The following KLHDC7B variants were observed in gnomAD, a reference collection of about 807,000 sequenced individuals.
The protein encoded by KLHDC7B is kelch domain-containing protein 7B.
KLHDC7B carries 1 observed loss-of-function variant against 0.6 expected under a neutral mutation model. The observed-to-expected ratio is 1.71, with a 90% CI of 0.61 to 8.11. The LOEUF is 8.11. KLHDC7B is among the 30% of genes most tolerant of loss of function. KLHDC7B has a pLI of 0.13. For missense variants in KLHDC7B, 993 were observed against 894.9 expected (o/e 1.11, Z -1.40); for synonymous variants, 462 against 405.2 (o/e 1.14, Z -1.68).
At position 50,548,737 on chromosome 22, in the gene KLHDC7B, G is replaced by C. The variant is rs1253377553; in HGVS notation, c.2494G>C (p.Gly832Arg). The C allele has an allele frequency of 6.8e-7, 1 of 1,471,530 alleles. No individual in the cohort carries two copies. Among genetic ancestry groups the C allele is most frequent in the Non-Finnish European group, 9.0e-7 (1 of 1,115,828 alleles). 91.2% of individuals were successfully genotyped at this position (1,471,530 alleles called of 1,614,324 possible). A position where few individuals can be genotyped will look rare whatever the true frequency, so the allele number is the denominator to read the frequency against. ...CATGGTGTTTCTGCAGAGGCCCGGG[G>C]GTTGGGGGGTGGTGGAGGGGCCCCG... ...KLMVFLQRPG[G>R]WGVVEGPRKP... The change falls in exon 1 of 1, where the codon GGT becomes CGT. Residue 832 changes from glycine (G) to arginine (R), a missense_variant. Gly to Arg is a moderately radical substitution (Grantham distance 125). Transcript: ENST00000648057. The surrounding 1 kb of genome is among the most constrained non-coding windows in gnomAD (Gnocchi z 5.3).
rs934497980 is a variant in KLHDC7B at position 50,548,759 on chromosome 22, C to A, written c.2516C>A (p.Pro839His). 29 of 1,449,210 alleles carry A rather than the reference C, an allele frequency of 2.0e-5. No homozygotes were observed. Among genetic ancestry groups the A allele is most frequent in the Non-Finnish European group, 2.0e-5 (22 of 1,106,672 alleles). The allele number at this position is 1,449,210 out of a possible 1,614,324, so 89.8% of individuals were successfully genotyped here. ...GGGGGTTGGGGGGTGGTGGAGGGGC[C>A]CCGGAAGCCCAGCTCCCGGGCCCTG... is the stretch of plus-strand genomic sequence containing the variant. The part of the protein sequence containing the change: ...RPGGWGVVEG[P>H]RKPSSRALEP... The change falls in exon 1 of 1, where the codon CCC becomes CAC. Residue 839 changes from proline (P) to histidine (H), a missense_variant. Transcript: ENST00000648057. The surrounding 1 kb of genome is among the most constrained non-coding windows in gnomAD (Gnocchi z 5.3).
In KLHDC7B at chr22:50,548,661, T is replaced by C. The variant is rs1440301211; in HGVS notation, c.2418T>C (p.Pro806=). The change falls in exon 1 of 1, where the codon CCT becomes CCC. Residue 806 remains proline (P), a synonymous_variant. Transcript: ENST00000648057. This position sits in a 1 kb window ranked among gnomAD's most constrained non-coding sequence, Gnocchi z 5.3. ...AGGCGCCGGGGGAGGGGGGCAGCCCTGCCGGCCGCAGCGGGGCGCTCACGG... is the reference window on the plus strand; with the variant it reads ...AGGCGCCGGGGGAGGGGGGCAGCCCCGCCGGCCGCAGCGGGGCGCTCACGG... ...QGEAPGEGGS[P]AGRSGALTEK... 1 of 1,520,376 alleles carries C rather than the reference T, an allele frequency of 6.6e-7. No homozygotes were observed. Among genetic ancestry groups the C allele is most frequent in the Non-Finnish European group, 8.8e-7 (1 of 1,134,690 alleles). The allele number at this position is 1,520,376 out of a possible 1,614,324, so 94.2% of individuals were successfully genotyped here.
chr22:50,549,147 C>T lies in KLHDC7B; in HGVS notation c.2904C>T (p.Pro968=). 6.2e-7 allele frequency: 1 copy of T among 1,604,006 alleles called. No homozygotes were observed. Among genetic ancestry groups the T allele is most frequent in the South Asian group, 1.1e-5 (1 of 91,072 alleles). Residue 968 remains proline (P), a synonymous_variant, in exon 1 of 1, where the codon CCC becomes CCT. Transcript: ENST00000648057. ...PLPAHLHVFN[P]RENTWRPLTQ... ...CTGCGCACCTGCATGTGTTCAACCC[C>T]CGGGAGAACACCTGGCGGCCCCTGA...
In KLHDC7B at chr22:50,546,637, C is replaced by T. The variant is rs1388156207; in HGVS notation, c.394C>T (p.Arg132Cys). ...LPLKTAVEEA[R>C]REALGQQRGS... ...ACTCAAGACGGCTGTCGAGGAGGCCCGCAGAGAGGCATTAGGACAGCAACG... is the reference window on the plus strand; with the variant it reads ...ACTCAAGACGGCTGTCGAGGAGGCCTGCAGAGAGGCATTAGGACAGCAACG... Residue 132 changes from arginine to cysteine, a missense_variant, in exon 1 of 1, where the codon CGC becomes TGC. By Grantham distance (180) the Arg-to-Cys change is radical. Transcript: ENST00000648057. Among the ~76,000 whole-genome samples, 3 of 152,160 alleles carry T rather than the reference C, an allele frequency of 2.0e-5. No individual in the cohort carries two copies. The highest frequency in any genetic ancestry group is 7.2e-5 in the African/African-American group (3 of 41,434).
In KLHDC7B at chr22:50,549,628, A is replaced by G. The variant is rs371881701; in HGVS notation, c.3385A>G (p.Ile1129Val). The change falls in exon 1 of 1, where the codon ATC becomes GTC. Residue 1129 changes from isoleucine to valine, a missense_variant. Transcript: ENST00000648057. The stretch of plus-strand genomic sequence containing the variant: ...TGCCAGCCACCGGCGTTCCAGCGAC[A>G]TCGTGGCACTGGGGGGCTTCCTGTA... ...YSASHRRSSD[I>V]VALGGFLYRF... The G allele has an allele frequency of 1.9e-6, 3 of 1,557,274 alleles. No homozygotes were observed. The highest frequency in any genetic ancestry group is 3.6e-5 in the Admixed American group (2 of 55,304).
In KLHDC7B at chr22:50,550,140, G is replaced by C; in HGVS notation, c.*189G>C. On this transcript the variant is annotated 3_prime_UTR_variant, in exon 1 of 1. Transcript: ENST00000648057. ...GCCCAGACTCCCTCAGCCTCTTTCT[G>C]CCCCTCACTCCACACCCAGACTGTT... 3.4e-6 allele frequency: 2 copies of C among 594,290 alleles called. No individual in the cohort carries two copies. The highest frequency in any genetic ancestry group is 5.8e-6 in the Non-Finnish European group (2 of 343,962). 36.8% of individuals were successfully genotyped at this position (594,290 alleles called of 1,614,324 possible).
rs2069743648 is a variant in KLHDC7B at position 50,547,447 on chromosome 22, G to C, written c.1204G>C (p.Ala402Pro). The C allele has an allele frequency of 2.7e-6, 1 of 373,766 alleles. No homozygotes were observed. The highest frequency in any genetic ancestry group is 4.7e-6 in the Non-Finnish European group (1 of 210,674). The allele number at this position is 373,766 out of a possible 1,614,324, so 23.2% of individuals were successfully genotyped here. Residue 402 changes from alanine to proline, a missense_variant, in exon 1 of 1, where the codon GCA (alanine) becomes CCA (proline). Coordinates refer to ENST00000648057, the MANE Select transcript of KLHDC7B (RefSeq NM_138433.5). Reference protein sequence around the residue: ...TRPPEQAKPAAAGHSRAPSRS... With the variant: ...TRPPEQAKPAPAGHSRAPSRS... ...GCCCCCGGAGCAAGCAAAGCCGGCTGCAGCCGGCCACAGCCGCGCGCCCTC... is the reference window on the plus strand; with the variant it reads ...GCCCCCGGAGCAAGCAAAGCCGGCTCCAGCCGGCCACAGCCGCGCGCCCTC...
rs1348582799 is a variant in KLHDC7B at position 50,550,185 on chromosome 22, C to T, written c.*234C>T. The T allele has an allele frequency of 2.0e-6, 1 of 492,890 alleles. No individual in the cohort carries two copies. The highest frequency in any genetic ancestry group is 2.0e-5 in the African/African-American group (1 of 50,632). The allele number at this position is 492,890 out of a possible 1,614,324, so 30.5% of individuals were successfully genotyped here. A position where few individuals can be genotyped will look rare whatever the true frequency, so the allele number is the denominator to read the frequency against. On this transcript the variant is annotated 3_prime_UTR_variant, in exon 1 of 1. Coordinates refer to ENST00000648057, the MANE Select transcript of KLHDC7B (RefSeq NM_138433.5). ...ACTGTTTCCTGACTCAATTCCGTAC[C>T]TACTTACAGACCCTCTCAGCTTGCT...
Position 50,548,705 on chromosome 22 carries a change from G to A in KLHDC7B, c.2462G>A (p.Arg821Gln), listed in dbSNP as rs775030756. Residue 821 changes from arginine to glutamine, a missense_variant, in exon 1 of 1, where the codon CGG becomes CAG. Coordinates refer to ENST00000648057, the MANE Select transcript of KLHDC7B (RefSeq NM_138433.5). This position sits in a 1 kb window ranked among gnomAD's most constrained non-coding sequence, Gnocchi z 5.3. ...GALTEKQEEARKLMVFLQRPG... is the reference protein window; with the variant it reads ...GALTEKQEEAQKLMVFLQRPG... Reference sequence around the variant, plus strand: ...CTCACGGAAAAGCAGGAGGAGGCCCGGAAGCTCATGGTGTTTCTGCAGAGG... The same window carrying A: ...CTCACGGAAAAGCAGGAGGAGGCCCAGAAGCTCATGGTGTTTCTGCAGAGG... 24 of 1,512,768 alleles carry A rather than the reference G, an allele frequency of 1.6e-5. No homozygotes were observed. Among genetic ancestry groups the A allele is most frequent in the East Asian group, 2.5e-5 (1 of 40,066 alleles). 93.7% of individuals were successfully genotyped at this position (1,512,768 alleles called of 1,614,324 possible).
rs2069776021 is a variant in KLHDC7B, at chr22:50,549,307, C to T, written c.3064C>T (p.Leu1022=). ...CSNEVFCYNP[L]TNIWSQVRPM... is the part of the protein sequence containing the mutation. ...CAACGAGGTCTTCTGCTACAACCCT[C>T]TGACCAACATCTGGAGCCAGGTTCG... The change falls in exon 1 of 1, where the codon CTG becomes TTG. Residue 1022 remains leucine (L), a synonymous_variant. Transcript: ENST00000648057. The T allele has an allele frequency of 6.2e-7, 1 of 1,612,640 alleles. No individual in the cohort carries two copies. The highest frequency in any genetic ancestry group is 1.3e-5 in the African/African-American group (1 of 74,950).
In KLHDC7B at chr22:50,548,971, G is replaced by A. The variant is rs752519610; in HGVS notation, c.2728G>A (p.Glu910Lys). 2 of 1,598,576 alleles carry A rather than the reference G, an allele frequency of 1.3e-6. No individual in the cohort carries two copies. The highest frequency in any genetic ancestry group is 1.7e-5 in the Admixed American group (1 of 58,650). ...LYRRLSAADR[E>K]RILSLRTGRG... ...CCGCCGGCTGAGCGCGGCCGACCGC[G>A]AGCGCATCCTCAGCCTGCGGACCGG... Residue 910 changes from glutamate (E) to lysine (K), a missense_variant, in exon 1 of 1, where the codon GAG (glutamate) becomes AAG (lysine). Transcript: ENST00000648057. The surrounding 1 kb of genome is among the most constrained non-coding windows in gnomAD (Gnocchi z 5.3).
Position 50,548,623 on chromosome 22 carries a change from G to T in KLHDC7B, c.2380G>T (p.Asp794Tyr). 3.2e-6 allele frequency: 5 copies of T among 1,542,126 alleles called. No individual in the cohort carries two copies. The highest frequency in any genetic ancestry group is 4.4e-6 in the Non-Finnish European group (5 of 1,144,634). Residue 794 changes from aspartate (D) to tyrosine (Y), a missense_variant, in exon 1 of 1, where the codon GAC becomes TAC. By Grantham distance (160) the Asp-to-Tyr change is radical. Transcript: ENST00000648057. The surrounding 1 kb of genome is among the most constrained non-coding windows in gnomAD (Gnocchi z 5.3). ...GGAGGTCAGGCCGGCCGCCTCGGGG[G>T]ACCCTCAAGGGGAGGCGCCGGGGGA... ...EQEVRPAASG[D>Y]PQGEAPGEGG...
In KLHDC7B at chr22:50,547,526, C is replaced by T; in HGVS notation, c.1283C>T (p.Pro428Leu). The T allele has an allele frequency of 2.5e-6, 1 of 398,404 alleles. No individual in the cohort carries two copies. Among genetic ancestry groups the T allele is most frequent in the Non-Finnish European group, 4.4e-6 (1 of 225,926 alleles). The allele number at this position is 398,404 out of a possible 1,614,324, so 24.7% of individuals were successfully genotyped here. A position where few individuals can be genotyped will look rare whatever the true frequency, so the allele number is the denominator to read the frequency against. ...RSASPPAAPG[P>L]GFPPEALTLP... The stretch of plus-strand genomic sequence containing the variant: ...GCCTCCCCGCCCGCAGCTCCCGGCC[C>T]GGGGTTCCCACCTGAAGCCCTGACT... The change falls in exon 1 of 1, where the codon CCG becomes CTG. Residue 428 changes from proline (P) to leucine (L), a missense_variant. Physicochemically the swap from Pro to Leu is moderately conservative, Grantham distance 98 (BLOSUM62 -3). Transcript: ENST00000648057.
rs1302103955 is a variant in KLHDC7B, at chr22:50,547,900, C to G, written c.1657C>G (p.Pro553Ala). 2.5e-6 allele frequency: 1 copy of G among 392,352 alleles called. No individual in the cohort carries two copies. Among genetic ancestry groups the G allele is most frequent in the African/African-American group, 2.6e-5 (1 of 38,948 alleles). 24.3% of individuals were successfully genotyped at this position (392,352 alleles called of 1,614,324 possible). A position where few individuals can be genotyped will look rare whatever the true frequency, so the allele number is the denominator to read the frequency against. Residue 553 changes from proline to alanine, a missense_variant, in exon 1 of 1, where the codon CCA becomes GCA. Transcript: ENST00000648057. ...CCCAGCCCTAACCCCAGTCCCAACCCCAGCCCTAAGCCCAGCTCCAACTCC... is the reference window on the plus strand; with the variant it reads ...CCCAGCCCTAACCCCAGTCCCAACCGCAGCCCTAAGCCCAGCTCCAACTCC... ...PSPALTPVPT[P>A]ALSPAPTPAL...
In KLHDC7B at chr22:50,546,664, G is replaced by A. The variant is rs937025459; in HGVS notation, c.421G>A (p.Gly141Ser). Among the ~76,000 whole-genome samples, 19 of 152,282 alleles carry A rather than the reference G, an allele frequency of 1.2e-4. No homozygotes were observed. Among genetic ancestry groups the A allele is most frequent in the Admixed American group, 3.3e-4 (5 of 15,304 alleles). ...ARREALGQQR[G>S]SATPAAPRAE... is the part of the protein sequence containing the mutation. Reference sequence around the variant, plus strand: ...CAGAGAGGCATTAGGACAGCAACGGGGCAGTGCCACCCCCGCGGCCCCCCG... The same window carrying A: ...CAGAGAGGCATTAGGACAGCAACGGAGCAGTGCCACCCCCGCGGCCCCCCG... The change falls in exon 1 of 1, where the codon GGC (glycine) becomes AGC (serine). Residue 141 changes from glycine (G) to serine (S), a missense_variant. Gly to Ser is a moderately conservative substitution (Grantham distance 56). Coordinates refer to ENST00000648057, the MANE Select transcript of KLHDC7B (RefSeq NM_138433.5).
rs944023478 is a variant in KLHDC7B at position 50,550,587 on chromosome 22, C to T, written c.*636C>T. The stretch of plus-strand genomic sequence containing the variant: ...CAGGCCAGGCCCACTCCGGGCTCAC[C>T]ACCCTCTGCAGCCTTGTGGGGCTCT... On this transcript the variant is annotated 3_prime_UTR_variant, in exon 1 of 1. Transcript: ENST00000648057. The T allele has an allele frequency of 6.1e-6, 1 of 165,050 alleles. No individual in the cohort carries two copies. Among genetic ancestry groups the T allele is most frequent in the African/African-American group, 2.4e-5 (1 of 41,472 alleles). 10.2% of individuals were successfully genotyped at this position (165,050 alleles called of 1,614,324 possible).
chr22:50,550,884 C>A lies in KLHDC7B; in HGVS notation c.*933C>A. 1 of 230,192 alleles carries A rather than the reference C, an allele frequency of 4.3e-6. No individual in the cohort carries two copies. Among genetic ancestry groups the A allele is most frequent in the East Asian group, 1.1e-4 (1 of 9,512 alleles). The allele number at this position is 230,192 out of a possible 1,614,324, so 14.3% of individuals were successfully genotyped here. ...TTTTCTCCCCTTACGCACTTTGAAA[C>A]CCATGCTAGAAAAGTGAATACATCT... On this transcript the variant is annotated 3_prime_UTR_variant, in exon 1 of 1. Coordinates refer to ENST00000648057, the MANE Select transcript of KLHDC7B (RefSeq NM_138433.5).
chr22:50,548,672 G>A lies in KLHDC7B; in HGVS notation c.2429G>A (p.Ser810Asn). ...GAGGGGGGCAGCCCTGCCGGCCGCA[G>A]CGGGGCGCTCACGGAAAAGCAGGAG... is the stretch of plus-strand genomic sequence containing the variant. ...PGEGGSPAGR[S>N]GALTEKQEEA... Residue 810 changes from serine to asparagine, a missense_variant, in exon 1 of 1, where the codon AGC becomes AAC. Coordinates refer to ENST00000648057, the MANE Select transcript of KLHDC7B (RefSeq NM_138433.5). The surrounding 1 kb of genome is among the most constrained non-coding windows in gnomAD (Gnocchi z 5.3). 6.6e-7 allele frequency: 1 copy of A among 1,520,588 alleles called. No homozygotes were observed. The highest frequency in any genetic ancestry group is 8.8e-7 in the Non-Finnish European group (1 of 1,134,506). The allele number at this position is 1,520,588 out of a possible 1,614,324, so 94.2% of individuals were successfully genotyped here.
In KLHDC7B at chr22:50,546,586, G is replaced by A. The variant is rs1196581066; in HGVS notation, c.343G>A (p.Gly115Ser). 2.5e-6 allele frequency: 1 copy of A among 398,100 alleles called. No individual in the cohort carries two copies. The highest frequency in any genetic ancestry group is 4.4e-6 in the Non-Finnish European group (1 of 225,716). The allele number at this position is 398,100 out of a possible 1,614,324, so 24.7% of individuals were successfully genotyped here. A position where few individuals can be genotyped will look rare whatever the true frequency, so the allele number is the denominator to read the frequency against. The stretch of plus-strand genomic sequence containing the variant: ...TGTCCCTGCTGCAGCGCCGGGCGGG[G>A]GCCTGGCCGCCATGGCCCGGCTTCC... ...SPVPAAAPGG[G>S]LAAMARLPLK... Residue 115 changes from glycine to serine, a missense_variant, in exon 1 of 1, where the codon GGC becomes AGC. Transcript: ENST00000648057.
Sources: allele counts gnomAD v4.1 joint callset (sites outside exome capture counted in the v4.1 genomes callset), GRCh38; gene constraint gnomAD v4.1.1; non-coding constraint Gnocchi (gnomAD v3.1); transcripts MANE v1.5; gene names NCBI Gene and HGNC (gene_info 2026-07-23, HGNC 2026-07-21).